Variants in ST6GALNAC3 observed in about 807,000 individuals in gnomAD.
The protein encoded by ST6GALNAC3 is alpha-N-acetylgalactosaminide alpha-2,6-sialyltransferase 3.
ST6GALNAC3 carries 25 observed loss-of-function variants against 32.7 expected under a neutral mutation model. The observed-to-expected ratio is 0.76, with a 90% CI of 0.56 to 1.07. ST6GALNAC3 has a LOEUF of 1.07. Among genes scored for constraint, ST6GALNAC3 ranks in the 50% least tolerant of loss-of-function variants. The pLI is 0.00. For synonymous variants in ST6GALNAC3, 129 were observed against 133.1 expected, an observed-to-expected ratio of 0.97 and a Z score of 0.21; for missense variants, 355 against 382.4, an observed-to-expected ratio of 0.93 and a Z score of 0.60.
chr1:76,494,997 C>T (rs547752025), intron 3 of ST6GALNAC3, among the ~76,000 whole-genome samples: 2 of 152,220 alleles, frequency 1.3e-5, no homozygotes, highest in South Asian at 4.2e-4. Context: ...AGGAAATTCC[C>T]TCTTACTCAT....
chr1:76,587,919 A>G (rs1646987216), intron 3 of ST6GALNAC3, among the ~76,000 whole-genome samples: 2 of 152,112 alleles, frequency 1.3e-5, no homozygotes, highest in South Asian at 4.1e-4. Flanking sequence ...ATCGGTTAGG[A>G]TCCACCAGGC....
intron 1 of ST6GALNAC3, among the ~76,000 whole-genome samples, chr1:76,152,343 G>C (rs1419487021): frequency 6.6e-6 from 1 of 152,162 alleles, no homozygotes; most frequent in Non-Finnish European, 1.5e-5. Context: ...TATTTAAGAT[G>C]CGGAGGAAAT....
At chr1:76,609,554 G>T (rs1057454004) in intron 3 of ST6GALNAC3, among the ~76,000 whole-genome samples, 7 of 152,130 alleles carry the variant, frequency 4.6e-5, no homozygotes, top group Admixed American at 3.9e-4. Flanking sequence ...TTAATATAGG[G>T]TCTATTAAGA....
rs180672591 is a variant in ST6GALNAC3 at position 76,151,823 on chromosome 1, G to T, written c.18+76939G>T. ...CCCATCCCGGATTCACCTTCCCAGGGATGCTAGATGGGAGTCTAGACATTG... is the reference window on the plus strand; with the variant it reads ...CCCATCCCGGATTCACCTTCCCAGGTATGCTAGATGGGAGTCTAGACATTG... On this transcript the variant is annotated intron_variant, in intron 1 of 4. Coordinates refer to ENST00000328299, the MANE Select transcript of ST6GALNAC3 (RefSeq NM_152996.4). 5.0e-4 allele frequency among the ~76,000 whole-genome samples: 76 copies of T among 152,308 alleles called. 1 individual carries two copies. Among genetic ancestry groups the T allele is most frequent in the Middle Eastern group, 3.4e-3 (1 of 294 alleles).
chr1:76,411,644 C>G (rs966446739), intron 2 of ST6GALNAC3, among the ~76,000 whole-genome samples: 1 of 152,082 alleles, frequency 6.6e-6, no homozygotes, highest in Non-Finnish European at 1.5e-5. Flanking sequence ...AGCCACCAAC[C>G]TTATTACAAA....
At chr1:76,330,051 C>A (rs1010142373) in intron 2 of ST6GALNAC3, among the ~76,000 whole-genome samples, 7 of 152,080 alleles carry the variant, frequency 4.6e-5, no homozygotes, top group African/African-American at 1.7e-4. Context: ...TCAGTTGATT[C>A]ACCTGCCTCC....
At chr1:76,478,416 T>G (rs1040652947) in intron 3 of ST6GALNAC3, among the ~76,000 whole-genome samples, 19 of 152,308 alleles carry the variant, frequency 1.2e-4, no homozygotes, top group African/African-American at 4.6e-4. Context: ...CTGGTTTGTT[T>G]TCTGATGGAT....
intron 2 of ST6GALNAC3, among the ~76,000 whole-genome samples, chr1:76,362,409 C>T (rs1650035254): frequency 6.6e-6 from 1 of 152,164 alleles, no homozygotes; most frequent in Non-Finnish European, 1.5e-5. Flanking sequence ...CACCCCTGGC[C>T]TCCCAAATCT....
intron 2 of ST6GALNAC3, among the ~76,000 whole-genome samples, chr1:76,390,946 A>ATTTTTTTTTTTTTTTTTTTTT: frequency 8.3e-6 from 1 of 121,072 alleles, no homozygotes; most frequent in South Asian, 2.9e-4. Context: ...ATATATATGT[A>ATTTTTTTTTTTTTTTTTTTTT]TTTTTTTTTT....
intron 3 of ST6GALNAC3, among the ~76,000 whole-genome samples, chr1:76,594,443 C>A (rs903051261): frequency 6.6e-6 from 1 of 152,102 alleles, no homozygotes; most frequent in Non-Finnish European, 1.5e-5. Flanking sequence ...TCTAAAGAAC[C>A]AAAGGTCTCT....
intron 1 of ST6GALNAC3, among the ~76,000 whole-genome samples, chr1:76,261,533 G>A (rs1464197427): frequency 4.6e-5 from 7 of 152,184 alleles, no homozygotes; most frequent in African/African-American, 1.2e-4. Flanking sequence ...TACCTGCCAC[G>A]TGCCTCTGCA....
Position 76,164,876 on chromosome 1 carries a change from T to TA in ST6GALNAC3, c.18+90000dup, listed in dbSNP as rs533102364. ...GTAGGCATCTATCTGCAAGACTTTCTAAAAAAAATGCAGATAGTAGTAATA... is the reference window on the plus strand; with the variant it reads ...GTAGGCATCTATCTGCAAGACTTTCTAAAAAAAAATGCAGATAGTAGTAATA... On this transcript the variant is annotated intron_variant, in intron 1 of 4. Transcript: ENST00000328299. Among the ~76,000 whole-genome samples, 293 of 152,112 alleles carry TA rather than the reference T, an allele frequency of 1.9e-3. 1 individual carries two copies. Among genetic ancestry groups the TA allele is most frequent in the African/African-American group, 6.5e-3 (269 of 41,504 alleles).
chr1:76,500,840 A>G (rs766209358), intron 3 of ST6GALNAC3, among the ~76,000 whole-genome samples: 2 of 152,214 alleles, frequency 1.3e-5, no homozygotes, highest in Non-Finnish European at 2.9e-5. Flanking sequence ...ATATAGATGT[A>G]CACTCAAGTA....
intron 3 of ST6GALNAC3, among the ~76,000 whole-genome samples, chr1:76,452,729 C>T (rs1169769762): frequency 6.6e-6 from 1 of 152,008 alleles, no homozygotes; most frequent in Admixed American, 6.6e-5. Flanking sequence ...AGATATTGGT[C>T]TGTGGTTTTC....
At chr1:76,466,276 A>T (rs1246773702) in intron 3 of ST6GALNAC3, among the ~76,000 whole-genome samples, 1 of 152,076 alleles carries the variant, frequency 6.6e-6, no homozygotes, top group African/African-American at 2.4e-5. Context: ...TATTTAGAAG[A>T]GGAGAGATGT....
intron 1 of ST6GALNAC3, among the ~76,000 whole-genome samples, chr1:76,210,236 A>G (rs1051289191): frequency 1.3e-5 from 2 of 152,190 alleles, no homozygotes; most frequent in Non-Finnish European, 2.9e-5. Context: ...ATTTTCTAGA[A>G]GTCAACAACA....
At position 76,627,537 on chromosome 1, in the gene ST6GALNAC3, A is replaced by T; in HGVS notation, c.709A>T (p.Met237Leu). Residue 237 changes from methionine (M) to leucine (L), a missense_variant, in exon 4 of 5, where the codon ATG becomes TTG. Coordinates refer to ENST00000328299, the MANE Select transcript of ST6GALNAC3 (RefSeq NM_152996.4). Reference sequence around the variant, plus strand: ...CTGTTATGGCATTCACGTCTACGGGATGATAAATGACACCTACTGCAAGTA... The same window carrying T: ...CTGTTATGGCATTCACGTCTACGGGTTGATAAATGACACCTACTGCAAGTA... Reference protein sequence around the residue: ...DACYGIHVYGMINDTYCKTEG... With the variant: ...DACYGIHVYGLINDTYCKTEG... The T allele has an allele frequency of 6.2e-7, 1 of 1,612,370 alleles. No individual in the cohort carries two copies.
chr1:76,575,344 C>A (rs1307918423), intron 3 of ST6GALNAC3, among the ~76,000 whole-genome samples: 2 of 152,020 alleles, frequency 1.3e-5, no homozygotes, highest in African/African-American at 4.8e-5. Context: ...CCCTTGGTGG[C>A]CAGTCAAAAG....
chr1:76,518,263 A>G (rs1225305409), intron 3 of ST6GALNAC3, among the ~76,000 whole-genome samples: 1 of 151,886 alleles, frequency 6.6e-6, no homozygotes, highest in South Asian at 2.1e-4. Flanking sequence ...ACCAGTCTTG[A>G]TTTATTAGTG....
Sources: allele counts gnomAD v4.1 joint callset (sites outside exome capture counted in the v4.1 genomes callset), GRCh38; gene constraint gnomAD v4.1.1; transcripts MANE v1.5; gene names NCBI Gene and HGNC (gene_info 2026-07-23, HGNC 2026-07-21).